MYH10: variants seen among roughly 807,000 people sequenced by gnomAD.
MYH10 encodes the protein myosin-10.
A neutral mutation model predicts 257.8 loss-of-function variants in MYH10; 55 were observed. That is an observed-to-expected ratio of 0.21 (90% CI 0.17 to 0.27). MYH10 has a LOEUF of 0.27. MYH10 is among the 10% of genes least tolerant of loss of function. MYH10 has a pLI of 1.00. For synonymous variants in MYH10, 854 were observed against 921.7 expected (o/e 0.93, Z 1.33); for missense variants, 1,631 against 2,500.6 (o/e 0.65, Z 7.42).
chr17:8,576,681 TACAA>T lies in MYH10; in HGVS notation c.634-13_634-10del. On this transcript the variant is annotated splice_polypyrimidine_tract_variant and intron_variant, in intron 5 of 42. Coordinates refer to ENST00000360416, the MANE Select transcript of MYH10 (RefSeq NM_001256012.3). ...GGTTTAGGCGATTCCTGCTGTTCAT[TACAA>T]ACAGACAAATGCAAATGTTAGCAAG... The T allele has an allele frequency of 6.4e-7, 1 of 1,550,656 alleles. No individual in the cohort carries two copies. The highest frequency in any genetic ancestry group is 8.7e-7 in the Non-Finnish European group (1 of 1,146,956).
chr17:8,594,311 G>A (rs752467510), intron 3 of MYH10, among the ~76,000 whole-genome samples: 41 of 152,148 alleles, frequency 2.7e-4, no homozygotes, highest in Admixed American at 1.0e-3. Context: ...TTTCACCAAA[G>A]ATATACAGAT....
Position 8,623,167 on chromosome 17 carries a change from TG to T in MYH10, c.79del (p.Gln27LysfsTer9). 1 of 1,613,716 alleles carries T rather than the reference TG, an allele frequency of 6.2e-7. No homozygotes were observed. The highest frequency in any genetic ancestry group is 8.5e-7 in the Non-Finnish European group (1 of 1,179,870). On this transcript the variant is annotated frameshift_variant, in exon 2 of 43. Transcript: ENST00000360416. LOFTEE classifies it high-confidence loss of function. Reference sequence around the variant, plus strand: ...TAGCTTTTTAGCTGTCCAATCAGCTTGAGTGGCAGGGTTGTAGATGACAGCC... The same window carrying T: ...TAGCTTTTTAGCTGTCCAATCAGCTTAGTGGCAGGGTTGTAGATGACAGCC... The part of the protein sequence containing the change: ...DRAVIYNPAT[Q>X]ADWTAKKLVW...
chr17:8,599,883 T>G (rs450256), intron 3 of MYH10, among the ~76,000 whole-genome samples: 147,731 of 152,272 alleles, frequency 0.97, 71,835 homozygotes, highest in Middle Eastern at 1. Flanking sequence ...ACACAAGAGA[T>G]AATGATCTGT....
At chr17:8,531,362 T>C (rs553745288) in intron 16 of MYH10, among the ~76,000 whole-genome samples, 13 of 152,064 alleles carry the variant, frequency 8.5e-5, no homozygotes, top group South Asian at 8.3e-4. Context: ...TTTTTTTTTT[T>C]CCTCAATATA....
At chr17:8,606,445 A>T (rs1230151915) in intron 2 of MYH10, among the ~76,000 whole-genome samples, 2 of 152,204 alleles carry the variant, frequency 1.3e-5, no homozygotes, top group African/African-American at 4.8e-5. Flanking sequence ...AAGCAAGAGG[A>T]CATGAAAAAA....
At chr17:8,479,774 A>C in intron 40 of MYH10, among the ~76,000 whole-genome samples, 1 of 152,200 alleles carries the variant, frequency 6.6e-6, no homozygotes, top group Non-Finnish European at 1.5e-5. Context: ...GTCATACTGC[A>C]TTTGTTCTCT....
At position 8,584,818 on chromosome 17, in the gene MYH10, G is replaced by C. The variant is rs79991536; in HGVS notation, c.530+4263C>G. 3.0e-4 allele frequency among the ~76,000 whole-genome samples: 46 copies of C among 152,168 alleles called. 1 individual carries two copies. Among genetic ancestry groups the C allele is most frequent in the East Asian group, 2.7e-3 (14 of 5,180 alleles). ...GATTAAGAAATAATAATAAAACCAT[G>C]TTGCATCTAGTTGTATTTATTTTTT... is the stretch of plus-strand genomic sequence containing the variant. On this transcript the variant is annotated intron_variant, in intron 4 of 42. Transcript: ENST00000360416.
chr17:8,502,221 G>A (rs2080917263), intron 28 of MYH10, among the ~76,000 whole-genome samples: 1 of 152,088 alleles, frequency 6.6e-6, no homozygotes, highest in Admixed American at 6.6e-5. Flanking sequence ...GATCTGCAGG[G>A]GCTGGCTGAG....
At chr17:8,588,765 T>C (rs539389462) in intron 4 of MYH10, among the ~76,000 whole-genome samples, 6 of 152,360 alleles carry the variant, frequency 3.9e-5, no homozygotes, top group Admixed American at 1.3e-4. Context: ...CAGTAGGCAC[T>C]TGATAATCAG....
chr17:8,538,272 C>T (rs2082199643), intron 14 of MYH10, among the ~76,000 whole-genome samples: 1 of 152,240 alleles, frequency 6.6e-6, no homozygotes, highest in African/African-American at 2.4e-5. Context: ...GTCACGCGAT[C>T]TTGGCTCGCT....
At chr17:8,621,268 A>T (rs1267767211) in intron 2 of MYH10, among the ~76,000 whole-genome samples, 1 of 152,164 alleles carries the variant, frequency 6.6e-6, no homozygotes, top group Non-Finnish European at 1.5e-5. Context: ...CAATCTGACC[A>T]TAACCTCTTA....
At chr17:8,491,420 T>C (rs1915762915) in intron 34 of MYH10, among the ~76,000 whole-genome samples, 1 of 152,234 alleles carries the variant, frequency 6.6e-6, no homozygotes, top group Non-Finnish European at 1.5e-5. Flanking sequence ...TCCATGGGGC[T>C]AGTCCCTGGG....
intron 14 of MYH10, 120 bp from the exon 15 acceptor site, chr17:8,536,051 A>G: frequency 1.1e-6 from 1 of 896,256 alleles, no homozygotes; most frequent in Non-Finnish European, 1.7e-6. Flanking sequence ...ACAAATTGCT[A>G]GGATGGAAAG....
chr17:8,610,739 G>C (rs139624917), intron 2 of MYH10, among the ~76,000 whole-genome samples: 1 of 152,136 alleles, frequency 6.6e-6, no homozygotes, highest in African/African-American at 2.4e-5. Flanking sequence ...CCGCAAGAAG[G>C]CCCCACCAGA....
intron 3 of MYH10, among the ~76,000 whole-genome samples, chr17:8,592,665 C>T (rs1426151878): frequency 6.6e-6 from 1 of 151,020 alleles, no homozygotes; most frequent in African/African-American, 2.4e-5. Context: ...AAAATCTTCT[C>T]ACAAAGAAAT....
chr17:8,522,763 T>C (rs925303929), intron 17 of MYH10, among the ~76,000 whole-genome samples: 1 of 152,222 alleles, frequency 6.6e-6, no homozygotes, highest in Non-Finnish European at 1.5e-5. Flanking sequence ...GCCAACTGGC[T>C]TATGGCCCGT....
At chr17:8,578,243 C>CTTT (rs5819199) in intron 4 of MYH10, among the ~76,000 whole-genome samples, 26 of 129,194 alleles carry the variant, frequency 2.0e-4, no homozygotes, top group South Asian at 7.2e-4. Context: ...TTCTTTCTTT[C>CTTT]TTTTTTTTTT....
intron 7 of MYH10, among the ~76,000 whole-genome samples, chr17:8,566,464 C>G (rs953152708): frequency 6.6e-5 from 10 of 152,130 alleles, no homozygotes; most frequent in African/African-American, 2.2e-4. Flanking sequence ...TGGCAACATT[C>G]AAGGAGCCCT....
chr17:8,629,799 C>G (rs1487022790), intron 1 of MYH10, among the ~76,000 whole-genome samples: 1 of 151,970 alleles, frequency 6.6e-6, no homozygotes, highest in Non-Finnish European at 1.5e-5. Context: ...GCCTCGCCCC[C>G]TCAAACCGCC....
Sources: allele counts gnomAD v4.1 joint callset (sites outside exome capture counted in the v4.1 genomes callset), GRCh38; gene constraint gnomAD v4.1.1; transcripts MANE v1.5; gene names NCBI Gene and HGNC (gene_info 2026-07-23, HGNC 2026-07-21).